SGCZ: variants seen among roughly 807,000 people sequenced by gnomAD.
SGCZ encodes sarcoglycan zeta, also known as zeta-sarcoglycan.
In SGCZ, 40 loss-of-function variants were observed where a neutral mutation model predicts 41.3. The observed-to-expected ratio is 0.97, with a 90% CI of 0.75 to 1.26. The LOEUF is 1.26. Ranked by LOEUF, SGCZ falls within the 50% of genes most tolerant of loss-of-function variation. The pLI, the probability that SGCZ is intolerant of heterozygous loss-of-function variation, is 0.00. For synonymous variants in SGCZ, 206 were observed against 137.5 expected (o/e 1.50, Z -3.49); for missense variants, 552 against 369.8 (o/e 1.49, Z -4.04).
At chr8:15,186,910 A>G (rs919265576) in intron 1 of SGCZ, among the ~76,000 whole-genome samples, 3 of 152,132 alleles carry the variant, frequency 2.0e-5, no homozygotes, top group African/African-American at 7.2e-5. Context: ...TTCAACAGCA[A>G]TGCCTCTGAA....
At chr8:14,410,031 G>A (rs186334894) in intron 2 of SGCZ, among the ~76,000 whole-genome samples, 1 of 152,222 alleles carries the variant, frequency 6.6e-6, no homozygotes, top group Non-Finnish European at 1.5e-5. Flanking sequence ...CACATAGCAG[G>A]AAGTAACCAG....
intron 2 of SGCZ, among the ~76,000 whole-genome samples, chr8:14,437,356 C>T (rs1233430011): frequency 6.6e-6 from 1 of 152,150 alleles, no homozygotes; most frequent in African/African-American, 2.4e-5. Context: ...AGAATATCCA[C>T]AATTATCTGA....
intron 1 of SGCZ, among the ~76,000 whole-genome samples, chr8:15,236,675 ATAT>A (rs1802134599): frequency 8.4e-6 from 1 of 118,452 alleles, no homozygotes; most frequent in Non-Finnish European, 2.2e-5. Context: ...ATATAAATAT[ATAT>A]ATTTTTTTTT....
intron 1 of SGCZ, among the ~76,000 whole-genome samples, chr8:14,722,778 G>C (rs1323661755): frequency 6.6e-6 from 1 of 152,050 alleles, no homozygotes; most frequent in East Asian, 1.9e-4. Context: ...GGAGGGGCAA[G>C]CAAAATGTCC....
intron 1 of SGCZ, among the ~76,000 whole-genome samples, chr8:15,044,440 T>G (rs771393799): frequency 2.6e-5 from 4 of 152,186 alleles, no homozygotes; most frequent in Non-Finnish European, 5.9e-5. Flanking sequence ...TGCCTTTGCC[T>G]TTTGGTGAAA....
intron 2 of SGCZ, among the ~76,000 whole-genome samples, chr8:14,516,751 T>TG (rs956648583): frequency 2.6e-5 from 4 of 152,148 alleles, no homozygotes; most frequent in African/African-American, 9.6e-5. Context: ...CTATGGAGAC[T>TG]GGGAACACCT....
At chr8:14,260,199 T>C (rs1799606597) in intron 3 of SGCZ, among the ~76,000 whole-genome samples, 1 of 152,142 alleles carries the variant, frequency 6.6e-6, no homozygotes. Context: ...CCTACTCATC[T>C]GACAAAGGGC....
intron 1 of SGCZ, among the ~76,000 whole-genome samples, chr8:14,841,022 C>T (rs1802888233): frequency 6.6e-6 from 1 of 151,818 alleles, no homozygotes; most frequent in Non-Finnish European, 1.5e-5. Context: ...GAAATTTTAT[C>T]AATGTGTAAA....
chr8:14,672,062 C>T (rs1453057277), intron 1 of SGCZ, among the ~76,000 whole-genome samples: 1 of 152,060 alleles, frequency 6.6e-6, no homozygotes, highest in Non-Finnish European at 1.5e-5. Context: ...GTTATTAGGA[C>T]TCATTTCATT....
At chr8:14,627,428 AT>A (rs1806498252) in intron 1 of SGCZ, among the ~76,000 whole-genome samples, 1 of 152,100 alleles carries the variant, frequency 6.6e-6, no homozygotes, top group African/African-American at 2.4e-5. Flanking sequence ...TTTTTGATCC[AT>A]TGTGTTTCTT....
chr8:14,762,502 C>T (rs982503098), intron 1 of SGCZ, among the ~76,000 whole-genome samples: 2 of 152,124 alleles, frequency 1.3e-5, no homozygotes, highest in Admixed American at 6.5e-5. Flanking sequence ...TAGCACAGCG[C>T]CCAACATATA....
At chr8:15,062,365 A>C (rs1163625675) in intron 1 of SGCZ, among the ~76,000 whole-genome samples, 1 of 152,180 alleles carries the variant, frequency 6.6e-6, no homozygotes, top group Non-Finnish European at 1.5e-5. Flanking sequence ...TTTAAAATTA[A>C]AATTTAAGAC....
At chr8:14,103,506 A>C (rs1802100506) in intron 6 of SGCZ, among the ~76,000 whole-genome samples, 1 of 152,266 alleles carries the variant, frequency 6.6e-6, no homozygotes, top group South Asian at 2.1e-4. Context: ...ATGAATTCAG[A>C]GTTGTTTTGC....
chr8:15,148,578 A>G (rs28439504), intron 1 of SGCZ, among the ~76,000 whole-genome samples: 10,314 of 152,270 alleles, frequency 0.068, 1,080 homozygotes, highest in African/African-American at 0.23. Context: ...TCTAGTTACC[A>G]TCAATTATTT....
chr8:14,927,256 C>G (rs1040431077), intron 1 of SGCZ, among the ~76,000 whole-genome samples: 1 of 151,768 alleles, frequency 6.6e-6, no homozygotes, highest in African/African-American at 2.4e-5. Context: ...CTACAGGCGT[C>G]CGCCACCACG....
chr8:14,432,915 A>C (rs1242505235), intron 2 of SGCZ, among the ~76,000 whole-genome samples: 5 of 9,960 alleles, frequency 5.0e-4, no homozygotes, highest in Non-Finnish European at 4.9e-3. Context: ...CTGTGTCTCC[A>C]AAAAAAAAAA....
Position 14,950,250 on chromosome 8 carries a change from A to G in SGCZ, c.39+287335T>C, listed in dbSNP as rs570646022. ...AGGCCAGAGGGTCTTTACGGGAAAC[A>G]ATAAGTAGGAACAAACCAAATGATG... is the stretch of plus-strand genomic sequence containing the variant. On this transcript the variant is annotated intron_variant, in intron 1 of 7. Transcript: ENST00000382080. Among the ~76,000 whole-genome samples the G allele has an allele frequency of 9.2e-5, 14 of 152,182 alleles. No individual in the cohort carries two copies. The South Asian group carries it at 2.9e-3, about 32-fold the overall frequency.
chr8:14,885,332 G>T (rs1804748563), intron 1 of SGCZ, among the ~76,000 whole-genome samples: 1 of 152,140 alleles, frequency 6.6e-6, no homozygotes, highest in African/African-American at 2.4e-5. Flanking sequence ...GTTCTGGTTA[G>T]AGTAGTATAT....
intron 1 of SGCZ, among the ~76,000 whole-genome samples, chr8:14,753,583 A>G (rs1002692461): frequency 4.6e-5 from 7 of 152,210 alleles, no homozygotes; most frequent in Non-Finnish European, 1.0e-4. Context: ...ATTCCTGGAT[A>G]TCATGCTCCA....
Sources: allele counts gnomAD v4.1 joint callset (sites outside exome capture counted in the v4.1 genomes callset), GRCh38; gene constraint gnomAD v4.1.1; transcripts MANE v1.5; gene names NCBI Gene and HGNC (gene_info 2026-07-23, HGNC 2026-07-21).